Variants in PRKN observed in about 807,000 individuals in gnomAD.
The protein encoded by PRKN is E3 ubiquitin-protein ligase parkin.
Under a neutral mutation model 59.5 loss-of-function variants are expected in PRKN, and 56 were observed. The observed-to-expected ratio is 0.94, with a 90% CI of 0.76 to 1.18. The LOEUF (loss-of-function observed/expected upper bound fraction) is 1.18, where lower values mean the gene tolerates loss of function less well. PRKN is among the 50% of genes most tolerant of loss of function. The pLI is 0.00. For missense variants in PRKN, 657 were observed against 596.4 expected, an observed-to-expected ratio of 1.10 and a Z score of -1.06; for synonymous variants, 250 against 222.1, an observed-to-expected ratio of 1.13 and a Z score of -1.12.
intron 1 of PRKN, among the ~76,000 whole-genome samples, chr6:162,549,838 C>T (rs1030908475): frequency 3.0e-4 from 46 of 152,142 alleles, no homozygotes; most frequent in African/African-American, 1.0e-3. Flanking sequence ...GAGGTTTCAC[C>T]ACGTTGGCCA....
In PRKN at chr6:162,544,631, C is replaced by T. The variant is rs78913513; in HGVS notation, c.8-101158G>A. On this transcript the variant is annotated intron_variant, in intron 1 of 11. Transcript: ENST00000366898. ...TATGCACAGAATGTTCTCTCCTATG[C>T]GATCTCACATTTATTTTATTTTTTA... 8.4e-3 allele frequency among the ~76,000 whole-genome samples: 1,259 copies of T among 150,142 alleles called. 18 individuals carry two copies. The highest frequency in any genetic ancestry group is 0.029 in the African/African-American group (1,183 of 40,830).
chr6:161,694,912 G>A (rs974305799), intron 7 of PRKN, among the ~76,000 whole-genome samples: 1 of 152,122 alleles, frequency 6.6e-6, no homozygotes. Flanking sequence ...CTCACTGCGG[G>A]ATCAGAATCT....
chr6:162,277,681 A>G (rs1780695248), intron 2 of PRKN, among the ~76,000 whole-genome samples: 1 of 152,260 alleles, frequency 6.6e-6, no homozygotes, highest in East Asian at 1.9e-4. Context: ...ATGGCAAAGA[A>G]GTAGGCTCCA....
intron 9 of PRKN, among the ~76,000 whole-genome samples, chr6:161,511,820 T>C (rs564328864): frequency 2.7e-4 from 39 of 146,818 alleles, no homozygotes; most frequent in Non-Finnish European, 5.4e-4. Flanking sequence ...GGGTTGATCT[T>C]AGGAAAAAAA....
intron 1 of PRKN, among the ~76,000 whole-genome samples, chr6:162,685,744 A>G (rs1431642100): frequency 6.6e-6 from 1 of 152,202 alleles, no homozygotes; most frequent in African/African-American, 2.4e-5. Context: ...AGATCCAGAT[A>G]TATGGACAAC....
chr6:162,231,976 C>T (rs1052545097), intron 3 of PRKN, among the ~76,000 whole-genome samples: 1 of 152,162 alleles, frequency 6.6e-6, no homozygotes, highest in Non-Finnish European at 1.5e-5. Context: ...GTGTCATCAC[C>T]TGTCACCTAG....
Position 162,230,733 on chromosome 6 carries a change from A to C in PRKN, c.413-29481T>G, listed in dbSNP as rs76905111. Among the ~76,000 whole-genome samples, 404 of 152,310 alleles carry C rather than the reference A, an allele frequency of 2.7e-3. 9 individuals are homozygous for C. The East Asian group carries it at 0.061, about 23-fold the overall frequency. ...CCATTCTTGCTTTGCTGTCATGCCA[A>C]TGAATTGCATTCTACAAGAAACTCT... On this transcript the variant is annotated intron_variant, in intron 3 of 11. Coordinates refer to ENST00000366898, the MANE Select transcript of PRKN (RefSeq NM_004562.3).
In PRKN at chr6:161,560,701, A is replaced by G. The variant is rs1347475050; in HGVS notation, c.933+8654T>C. On this transcript the variant is annotated intron_variant, in intron 8 of 11. Transcript: ENST00000366898. This position sits in a 1 kb window ranked among gnomAD's most constrained non-coding sequence, Gnocchi z 4.9. ...TACCACCTCTGAAATCCCAATTCCA[A>G]ATATGTCTCTTTCTGATGATCACCT... 7.9e-5 allele frequency among the ~76,000 whole-genome samples: 12 copies of G among 152,124 alleles called. No individual in the cohort carries two copies. Among genetic ancestry groups the G allele is most frequent in the Non-Finnish European group, 1.5e-5 (1 of 68,026 alleles).
intron 2 of PRKN, among the ~76,000 whole-genome samples, chr6:162,347,584 T>C (rs1784457128): frequency 2.0e-5 from 3 of 152,126 alleles, no homozygotes; most frequent in Admixed American, 2.0e-4. Context: ...GTATTATTTG[T>C]GATGAATATC....
chr6:161,935,479 G>C (rs1357718890), intron 6 of PRKN, among the ~76,000 whole-genome samples: 2 of 151,500 alleles, frequency 1.3e-5, no homozygotes, highest in African/African-American at 4.9e-5. Context: ...GCTTAAGCCG[G>C]GGAAGTTGAG....
At chr6:161,856,374 A>AAATG (rs1244865392) in intron 6 of PRKN, among the ~76,000 whole-genome samples, 3 of 151,694 alleles carry the variant, frequency 2.0e-5, no homozygotes, top group East Asian at 1.9e-4. Context: ...ATAAATAAAT[A>AAATG]AATAAATAAA....
At chr6:162,308,041 A>T (rs1782311043) in intron 2 of PRKN, among the ~76,000 whole-genome samples, 1 of 152,164 alleles carries the variant, frequency 6.6e-6, no homozygotes, top group Non-Finnish European at 1.5e-5. Context: ...CCTATGCAGG[A>T]TCCTTTCTAA....
chr6:161,358,702 G>A (rs914055591), intron 11 of PRKN, among the ~76,000 whole-genome samples: 3 of 151,046 alleles, frequency 2.0e-5, no homozygotes, highest in African/African-American at 7.3e-5. Context: ...GCCCTTCCGT[G>A]TTCTTTCCCT....
At chr6:162,570,434 C>T (rs1440509866) in intron 1 of PRKN, among the ~76,000 whole-genome samples, 1 of 152,094 alleles carries the variant, frequency 6.6e-6, no homozygotes, top group African/African-American at 2.4e-5. Flanking sequence ...AAAAATTAAG[C>T]TACTATTTGA....
rs116641746 is a variant in PRKN, at chr6:161,824,898, G to C, written c.735-38990C>G. 7.2e-3 allele frequency among the ~76,000 whole-genome samples: 1,094 copies of C among 152,272 alleles called. 16 individuals carry two copies. Among genetic ancestry groups the C allele is most frequent in the African/African-American group, 0.025 (1,046 of 41,564 alleles). ...GAAGACATATTCATTGATGAGTTTT[G>C]TCAATTGATCAAATATGTAAGCAGT... is the stretch of plus-strand genomic sequence containing the variant. On this transcript the variant is annotated intron_variant, in intron 6 of 11. Coordinates refer to ENST00000366898, the MANE Select transcript of PRKN (RefSeq NM_004562.3).
At chr6:161,708,650 CTTCT>C (rs1042655739) in intron 7 of PRKN, among the ~76,000 whole-genome samples, 6 of 152,122 alleles carry the variant, frequency 3.9e-5, no homozygotes, top group South Asian at 2.1e-4. Flanking sequence ...TAAAGAGCTC[CTTCT>C]ATGTTCTGCA....
At chr6:161,777,637 C>T (rs114570810) in intron 7 of PRKN, among the ~76,000 whole-genome samples, 5,681 of 143,222 alleles carry the variant, frequency 0.04, 375 homozygotes, top group African/African-American at 0.13. Context: ...GCTAACTCTA[C>T]GGATATTCTC....
At chr6:161,956,422 C>G (rs1035820126) in intron 6 of PRKN, among the ~76,000 whole-genome samples, 9 of 152,314 alleles carry the variant, frequency 5.9e-5, no homozygotes, top group Middle Eastern at 3.4e-3. Context: ...AGAGAAAAGT[C>G]TGTGCCTTCT....
At chr6:162,504,417 C>T (rs1290662493) in intron 1 of PRKN, among the ~76,000 whole-genome samples, 1 of 151,914 alleles carries the variant, frequency 6.6e-6, no homozygotes, top group Admixed American at 6.6e-5. Flanking sequence ...TAAAAACACA[C>T]AAAAAATGTT....
Sources: allele counts gnomAD v4.1 joint callset (sites outside exome capture counted in the v4.1 genomes callset), GRCh38; gene constraint gnomAD v4.1.1; non-coding constraint Gnocchi (gnomAD v3.1); transcripts MANE v1.5; gene names NCBI Gene and HGNC (gene_info 2026-07-23, HGNC 2026-07-21).